MCUB: variants seen among roughly 807,000 people sequenced by gnomAD.
MCUB encodes calcium uniporter regulatory subunit MCUb, mitochondrial.
Under a neutral mutation model 41.4 loss-of-function variants are expected in MCUB, and 46 were observed. The ratio of observed to expected loss-of-function variants is 1.11; its 90% CI spans 0.88 to 1.42. MCUB has a LOEUF of 1.42. Among genes scored for constraint, MCUB ranks in the 40% most tolerant of loss-of-function variants. MCUB has a pLI of 0.00. For synonymous variants in MCUB, 148 were observed against 148.2 expected (o/e 1.00, Z 0.01); for missense variants, 403 against 404.9 (o/e 1.00, Z 0.04).
intron 1 of MCUB, among the ~76,000 whole-genome samples, chr4:109,582,019 C>A (rs1057510446): frequency 7.2e-5 from 11 of 152,068 alleles, no homozygotes; most frequent in African/African-American, 2.7e-4. Flanking sequence ...CCCAGCCATC[C>A]CATTGCTGGG....
At chr4:109,568,380 A>C (rs1726830690) in intron 1 of MCUB, among the ~76,000 whole-genome samples, 4 of 152,086 alleles carry the variant, frequency 2.6e-5, no homozygotes, top group Admixed American at 2.6e-4. Flanking sequence ...TCATCCCTCC[A>C]GTTCCATCTT....
At chr4:109,604,746 T>A (rs1315899846) in intron 1 of MCUB, among the ~76,000 whole-genome samples, 1 of 152,250 alleles carries the variant, frequency 6.6e-6, no homozygotes, top group Non-Finnish European at 1.5e-5. Flanking sequence ...TTTTATCAAG[T>A]GCTTTTTCAG....
At chr4:109,619,166 A>G (rs564378768) in intron 1 of MCUB, among the ~76,000 whole-genome samples, 1 of 152,154 alleles carries the variant, frequency 6.6e-6, no homozygotes, top group South Asian at 2.1e-4. Flanking sequence ...TCCCAGGTTC[A>G]AGCGATTCTC....
intron 1 of MCUB, among the ~76,000 whole-genome samples, chr4:109,607,671 A>G (rs1727910133): frequency 6.6e-6 from 1 of 152,220 alleles, no homozygotes; most frequent in Non-Finnish European, 1.5e-5. Flanking sequence ...TTCTAGGGTT[A>G]AAAGTTTTTT....
chr4:109,682,766 A>G (rs1414756571), intron 5 of MCUB, 24 bp downstream of exon 5: 1 of 1,572,060 alleles, frequency 6.4e-7, no homozygotes, highest in African/African-American at 1.4e-5. Flanking sequence ...ACGGTTGAGT[A>G]TATTTGAAAA....
At chr4:109,583,701 G>C (rs1398296537) in intron 1 of MCUB, among the ~76,000 whole-genome samples, 2 of 152,114 alleles carry the variant, frequency 1.3e-5, no homozygotes, top group African/African-American at 4.8e-5. Context: ...CTATGGGTTT[G>C]TCATAAATAG....
chr4:109,637,504 C>T (rs1255399043), intron 1 of MCUB, among the ~76,000 whole-genome samples: 1 of 152,126 alleles, frequency 6.6e-6, no homozygotes. Flanking sequence ...GCCCAAATGC[C>T]CATCAATCAA....
chr4:109,660,773 G>A (rs563252050), intron 3 of MCUB, among the ~76,000 whole-genome samples: 93 of 151,464 alleles, frequency 6.1e-4, no homozygotes, highest in African/African-American at 2.1e-3. Context: ...CCGAGATCAC[G>A]CCATTGCACT....
rs118027930 is a variant in MCUB, at chr4:109,625,775, G to C, written c.100-33236G>C. Among the ~76,000 whole-genome samples, 850 of 152,284 alleles carry C rather than the reference G, an allele frequency of 5.6e-3. 25 individuals carry two copies. In the East Asian group the frequency reaches 0.065, roughly 12 times the overall value. Reference sequence around the variant, plus strand: ...AAATATAATAAATGGTCAATAAATGGTTTTGGGAGAAAGAGAGGATACAGG... The same window carrying C: ...AAATATAATAAATGGTCAATAAATGCTTTTGGGAGAAAGAGAGGATACAGG... On this transcript the variant is annotated intron_variant, in intron 1 of 7. Coordinates refer to ENST00000394650, the MANE Select transcript of MCUB (RefSeq NM_017918.5).
At chr4:109,596,066 CA>C (rs1454951003) in intron 1 of MCUB, among the ~76,000 whole-genome samples, 272 of 103,404 alleles carry the variant, frequency 2.6e-3, no homozygotes, top group Non-Finnish European at 3.8e-3. Context: ...GAGAATCAGC[CA>C]AATATTGCCT....
intron 1 of MCUB, among the ~76,000 whole-genome samples, chr4:109,657,713 A>G (rs1561243772): frequency 6.6e-6 from 1 of 152,224 alleles, no homozygotes; most frequent in Non-Finnish European, 1.5e-5. Context: ...CTTTGTTCAC[A>G]CAGTGCACCA....
intron 1 of MCUB, among the ~76,000 whole-genome samples, chr4:109,638,955 A>G (rs1017989514): frequency 3.3e-5 from 5 of 152,122 alleles, no homozygotes; most frequent in Non-Finnish European, 7.4e-5. Context: ...TATTTTTACC[A>G]TGTCTGCAGT....
At chr4:109,566,994 T>C (rs1726794036) in intron 1 of MCUB, among the ~76,000 whole-genome samples, 1 of 152,026 alleles carries the variant, frequency 6.6e-6, no homozygotes, top group Non-Finnish European at 1.5e-5. Flanking sequence ...GCACCTATAA[T>C]CCCAGCTACT....
rs183049097 is a variant in MCUB, at chr4:109,638,174, G to A, written c.100-20837G>A. Among the ~76,000 whole-genome samples, 8 of 152,152 alleles carry A rather than the reference G, an allele frequency of 5.3e-5. No individual in the cohort carries two copies. The East Asian group carries it at 1.2e-3, about 22-fold the overall frequency. On this transcript the variant is annotated intron_variant, in intron 1 of 7. Transcript: ENST00000394650. ...AGTTTGAGACAAACGTGGGCAACAT[G>A]GTGAAACCCCATGTCTACAAAAAAA...
At chr4:109,670,670 C>G (rs1729435026) in intron 4 of MCUB, among the ~76,000 whole-genome samples, 1 of 151,442 alleles carries the variant, frequency 6.6e-6, no homozygotes, top group Non-Finnish European at 1.5e-5. Context: ...GAGCCAAGAT[C>G]ATGTCATTGC....
rs192808141 is a variant in MCUB, at chr4:109,681,596, C to T, written c.452-986C>T. 28 of 303,670 alleles carry T rather than the reference C, an allele frequency of 9.2e-5. No homozygotes were observed. The East Asian group carries it at 2.7e-3, about 29-fold the overall frequency. 18.8% of individuals were successfully genotyped at this position (303,670 alleles called of 1,614,324 possible). A position where few individuals can be genotyped will look rare whatever the true frequency, so the allele number is the denominator to read the frequency against. On this transcript the variant is annotated intron_variant, in intron 4 of 7. Transcript: ENST00000394650. ...GCAGTGTTACAGCTCTATTAGAAGT[C>T]GTGGGTCACGGAAGACAACCATGGA...
intron 1 of MCUB, among the ~76,000 whole-genome samples, chr4:109,619,155 C>T (rs906704209): frequency 1.4e-4 from 21 of 152,082 alleles, no homozygotes; most frequent in Non-Finnish European, 1.5e-5. Context: ...CAACTTCTGC[C>T]TCCCAGGTTC....
intron 1 of MCUB, among the ~76,000 whole-genome samples, chr4:109,628,057 A>T (rs1471157591): frequency 6.6e-6 from 1 of 152,202 alleles, no homozygotes; most frequent in Non-Finnish European, 1.5e-5. Context: ...GGAGGGGTAT[A>T]GGACAAAGAG....
Position 109,664,616 on chromosome 4 carries a change from G to A in MCUB, c.451+222G>A, listed in dbSNP as rs971565987. On this transcript the variant is annotated intron_variant, in intron 4 of 7. Coordinates refer to ENST00000394650, the MANE Select transcript of MCUB (RefSeq NM_017918.5). ...ATTTTTTAACATTTTTTTAGGGATT[G>A]GGTCTCCCTATGTTGTCCAGGCTGG... is the stretch of plus-strand genomic sequence containing the variant. 3.3e-5 allele frequency among the ~76,000 whole-genome samples: 5 copies of A among 152,024 alleles called. No homozygotes were observed. In the South Asian group the frequency reaches 8.3e-4, roughly 25 times the overall value.
Sources: gnomAD v4.1 joint callset for allele counts (sites outside exome capture counted in the v4.1 genomes callset) on GRCh38, gnomAD v4.1.1 for gene constraint, MANE v1.5 for transcripts, NCBI Gene and HGNC (gene_info 2026-07-23, HGNC 2026-07-21) for gene names.